Variants in MAST2 observed in about 807,000 individuals in gnomAD.
MAST2 encodes microtubule-associated serine/threonine-protein kinase 2.
Under a neutral mutation model 147.4 loss-of-function variants are expected in MAST2, and 70 were observed. The observed-to-expected ratio is 0.47, with a 90% CI of 0.39 to 0.58. The LOEUF (loss-of-function observed/expected upper bound fraction) is 0.58, where lower values mean the gene tolerates loss of function less well. Among genes scored for constraint, MAST2 ranks in the 20% least tolerant of loss-of-function variants. The pLI, the probability that MAST2 is intolerant of heterozygous loss-of-function variation, is 0.00. For synonymous variants in MAST2, 869 were observed against 896.8 expected, an observed-to-expected ratio of 0.97 and a Z score of 0.55; for missense variants, 2,080 against 2,302.3, an observed-to-expected ratio of 0.90 and a Z score of 1.98.
At chr1:45,950,389 C>T (rs1658756594) in intron 4 of MAST2, among the ~76,000 whole-genome samples, 1 of 152,114 alleles carries the variant, frequency 6.6e-6, no homozygotes. Flanking sequence ...AAAGACTTCA[C>T]CCTCAGTGCA....
intron 3 of MAST2, among the ~76,000 whole-genome samples, chr1:45,842,828 C>T (rs1468130918): frequency 1.3e-5 from 2 of 152,092 alleles, no homozygotes; most frequent in Admixed American, 6.5e-5. Flanking sequence ...CAAAGAAATA[C>T]GGTAATTCAA....
intron 4 of MAST2, chr1:45,917,660 A>G: frequency 1.6e-6 from 1 of 619,286 alleles, no homozygotes; most frequent in South Asian, 1.8e-5. Flanking sequence ...AGAGAAGAGT[A>G]AAATAAATAT....
At chr1:45,893,478 T>A (rs945974141) in intron 4 of MAST2, among the ~76,000 whole-genome samples, 7 of 152,014 alleles carry the variant, frequency 4.6e-5, no homozygotes, top group African/African-American at 1.7e-4. Flanking sequence ...TGGGCTCAAG[T>A]GATCCTTCTG....
intron 1 of MAST2, 133 bp downstream of exon 1, chr1:45,804,205 TG>T: frequency 1.0e-5 from 11 of 1,077,352 alleles, no homozygotes; most frequent in Non-Finnish European, 1.3e-5. Flanking sequence ...GTGGGAGGTC[TG>T]GGGAGGCCGA....
At chr1:45,874,726 AG>A (rs1646528949) in intron 3 of MAST2, among the ~76,000 whole-genome samples, 1 of 152,206 alleles carries the variant, frequency 6.6e-6, no homozygotes, top group South Asian at 2.1e-4. Context: ...TGTCCTTGAG[AG>A]CAAGACTAAT....
intron 4 of MAST2, among the ~76,000 whole-genome samples, chr1:45,926,388 T>C (rs1654367843): frequency 6.6e-6 from 1 of 152,150 alleles, no homozygotes; most frequent in African/African-American, 2.4e-5. Context: ...TTTGCTTCTA[T>C]TACTTTTCTC....
chr1:45,830,517 T>C (rs1241187117), intron 3 of MAST2, among the ~76,000 whole-genome samples: 2 of 152,182 alleles, frequency 1.3e-5, no homozygotes, highest in East Asian at 1.9e-4. Flanking sequence ...TCAGTGTCAC[T>C]GGTACTAATT....
intron 5 of MAST2, among the ~76,000 whole-genome samples, chr1:45,977,805 A>AG (rs1644233088): frequency 6.6e-6 from 1 of 151,688 alleles, no homozygotes; most frequent in South Asian, 2.1e-4. Flanking sequence ...TGTCTCAAAA[A>AG]AAAAAAAAAA....
At chr1:46,007,061 T>A (rs1645516856) in intron 8 of MAST2, among the ~76,000 whole-genome samples, 1 of 152,228 alleles carries the variant, frequency 6.6e-6, no homozygotes, top group East Asian at 1.9e-4. Flanking sequence ...CCTTAACAGC[T>A]GCTGATTAAT....
At chr1:45,915,021 C>T (rs1652250495) in intron 4 of MAST2, among the ~76,000 whole-genome samples, 1 of 152,160 alleles carries the variant, frequency 6.6e-6, no homozygotes, top group Admixed American at 6.5e-5. Flanking sequence ...GCTCACTAAA[C>T]CTTGACCTCC....
intron 26 of MAST2, 68 bp downstream of exon 26, chr1:46,032,786 TAGGGGAGTGGGTG>T: frequency 7.0e-6 from 11 of 1,569,990 alleles, no homozygotes; most frequent in Middle Eastern, 1.8e-4. Context: ...TGATGGCAGT[TAGGGGAGTGGGTG>T]AGTTGGGTGC....
At position 46,002,841 on chromosome 1, in the gene MAST2, C is replaced by T; in HGVS notation, c.705C>T (p.Pro235=). The T allele has an allele frequency of 6.2e-7, 1 of 1,614,170 alleles. No homozygotes were observed. The highest frequency in any genetic ancestry group is 2.2e-5 in the East Asian group (1 of 44,882). The part of the protein sequence containing the change: ...DGRRWSLASL[P]SSGYGTNTPS... ...GGCGCTGGTCTTTGGCCTCTTTGCC[C>T]TCTTCAGGATATGGAACTAACACTC... Residue 235 remains proline (P), a synonymous_variant, in exon 7 of 29, where the codon CCC becomes CCT. Transcript: ENST00000361297.
chr1:45,922,065 G>C (rs1226636512), intron 4 of MAST2, among the ~76,000 whole-genome samples: 1 of 152,208 alleles, frequency 6.6e-6, no homozygotes, highest in African/African-American at 2.4e-5. Context: ...CAGAGAGGAG[G>C]TCCTGGAGTG....
intron 1 of MAST2, among the ~76,000 whole-genome samples, chr1:45,821,451 GC>G (rs1489286881): frequency 1.3e-5 from 2 of 151,044 alleles, no homozygotes; most frequent in Admixed American, 1.3e-4. Context: ...AAGTCACGGA[GC>G]TTCTTGGATG....
At chr1:45,992,807 C>T (rs1174223913) in intron 5 of MAST2, among the ~76,000 whole-genome samples, 1 of 151,990 alleles carries the variant, frequency 6.6e-6, no homozygotes, top group Non-Finnish European at 1.5e-5. Flanking sequence ...TCTACCACCT[C>T]CCTATTTGTT....
At chr1:45,846,867 A>G (rs1258457286) in intron 3 of MAST2, 4 of 175,534 alleles carry the variant, frequency 2.3e-5, no homozygotes, top group African/African-American at 9.6e-5. Flanking sequence ...GAAACTGCAA[A>G]TGAAACTCTC....
At chr1:45,850,975 A>G (rs1189093458) in intron 3 of MAST2, among the ~76,000 whole-genome samples, 1 of 151,102 alleles carries the variant, frequency 6.6e-6, no homozygotes. Context: ...TGTAAATTTT[A>G]GAATAGTTCT....
chr1:45,843,628 G>GA (rs1645342387), intron 3 of MAST2, among the ~76,000 whole-genome samples: 1 of 152,126 alleles, frequency 6.6e-6, no homozygotes, highest in African/African-American at 2.4e-5. Context: ...AGGGGAACAT[G>GA]AAAAAATTAC....
chr1:45,974,289 A>G (rs1644046016), intron 5 of MAST2, among the ~76,000 whole-genome samples: 1 of 152,172 alleles, frequency 6.6e-6, no homozygotes. Context: ...AAGATAGCTT[A>G]TTGAAGTTCT....
Sources: gnomAD v4.1 joint callset for allele counts (sites outside exome capture counted in the v4.1 genomes callset) on GRCh38, gnomAD v4.1.1 for gene constraint, MANE v1.5 for transcripts, NCBI Gene and HGNC (gene_info 2026-07-23, HGNC 2026-07-21) for gene names.